The following BAG2 variants were observed in gnomAD, a reference collection of about 807,000 sequenced individuals.
BAG2 encodes BAG cochaperone 2.
Under a neutral mutation model 16.4 loss-of-function variants are expected in BAG2, and 8 were observed. The observed-to-expected ratio is 0.49, with a 90% CI of 0.29 to 0.88. The LOEUF (loss-of-function observed/expected upper bound fraction) is 0.88. Among genes scored for constraint, BAG2 ranks in the 40% least tolerant of loss-of-function variants. BAG2 has a pLI of 0.09. For missense variants in BAG2, 218 were observed against 248.9 expected, an observed-to-expected ratio of 0.88 and a Z score of 0.84; for synonymous variants, 82 against 89.2, an observed-to-expected ratio of 0.92 and a Z score of 0.46.
intron 1 of BAG2, among the ~76,000 whole-genome samples, chr6:57,180,842 T>C (rs552628019): frequency 6.6e-6 from 1 of 151,690 alleles, no homozygotes; most frequent in Admixed American, 6.6e-5. Flanking sequence ...ACGTGGTTCA[T>C]ATATGAGAGG....
chr6:57,180,765 A>G (rs1313579274), intron 1 of BAG2, among the ~76,000 whole-genome samples: 4 of 151,040 alleles, frequency 2.6e-5, no homozygotes, highest in African/African-American at 9.8e-5. Flanking sequence ...ATACGCCATA[A>G]GGCAAAAAAA....
At chr6:57,174,804 G>A (rs1003598386) in intron 1 of BAG2, among the ~76,000 whole-genome samples, 1 of 152,146 alleles carries the variant, frequency 6.6e-6, no homozygotes, top group Non-Finnish European at 1.5e-5. Context: ...AAGAAAACAT[G>A]AAACTCATAT....
intron 1 of BAG2, among the ~76,000 whole-genome samples, chr6:57,175,820 C>T (rs1417947021): frequency 2.6e-5 from 4 of 152,128 alleles, no homozygotes; most frequent in Non-Finnish European, 4.4e-5. Flanking sequence ...ATAATAAATC[C>T]GTAAATATAA....
chr6:57,173,450 G>C (rs745654888), intron 1 of BAG2: 4 of 985,360 alleles, frequency 4.1e-6, no homozygotes, highest in Non-Finnish European at 4.8e-6. Context: ...CAGCGGTTCC[G>C]TTCGTCTCTC....
intron 1 of BAG2, among the ~76,000 whole-genome samples, chr6:57,175,141 G>A (rs977295599): frequency 4.6e-5 from 7 of 151,938 alleles, no homozygotes; most frequent in Admixed American, 3.9e-4. Context: ...CCTTTTCTCC[G>A]TTTTGACGAT....
At position 57,172,744 on chromosome 6, in the gene BAG2, G is replaced by T. The variant is rs1039041175; in HGVS notation, c.47G>T (p.Cys16Phe). 6.3e-7 allele frequency: 1 copy of T among 1,582,608 alleles called. No homozygotes were observed. The highest frequency in any genetic ancestry group is 8.6e-7 in the Non-Finnish European group (1 of 1,167,336). ...INAKANEGRF[C>F]RSSSMADRSS... ...GCTAAAGCCAACGAGGGGCGCTTCT[G>T]CCGCTCCTCCTCCATGGCTGACCGC... Residue 16 changes from cysteine (C) to phenylalanine (F), a missense_variant, in exon 1 of 3, where the codon TGC becomes TTC. Transcript: ENST00000370693.
chr6:57,175,628 T>C (rs1054318239), intron 1 of BAG2, among the ~76,000 whole-genome samples: 1 of 152,232 alleles, frequency 6.6e-6, no homozygotes, highest in African/African-American at 2.4e-5. Flanking sequence ...CAATCACTTT[T>C]CTACATGGTT....
At chr6:57,177,895 G>A (rs1764328695) in intron 1 of BAG2, among the ~76,000 whole-genome samples, 1 of 152,160 alleles carries the variant, frequency 6.6e-6, no homozygotes, top group Non-Finnish European at 1.5e-5. Context: ...GGTTTGTGAG[G>A]TGCCCAAGAC....
At chr6:57,182,866 G>T (rs973007429) in intron 2 of BAG2, among the ~76,000 whole-genome samples, 1 of 152,040 alleles carries the variant, frequency 6.6e-6, no homozygotes, top group Non-Finnish European at 1.5e-5. Flanking sequence ...GGCCAAGCTG[G>T]TCTCAAACTC....
At chr6:57,182,265 G>A (rs905317476) in intron 2 of BAG2, 124 bp downstream of exon 2, 14 of 639,896 alleles carry the variant, frequency 2.2e-5, no homozygotes, top group Non-Finnish European at 3.6e-5. Flanking sequence ...TTTAATGTGA[G>A]CCACAGAGAG....
rs1562646561 is a variant in BAG2 at position 57,188,600 on chromosome 6, AAG to A, written c.*4415_*4416del. On this transcript the variant is annotated 3_prime_UTR_variant, in exon 3 of 3. Coordinates refer to ENST00000370693, the MANE Select transcript of BAG2 (RefSeq NM_004282.4). ...GAGGAGAGTAGAGAGTAGAAAATTG[AAG>A]AGAGTAGAAAAGATGACTCATTAGC... 2 of 152,144 alleles carry A rather than the reference AAG, an allele frequency of 1.3e-5. No individual in the cohort carries two copies. The highest frequency in any genetic ancestry group is 1.3e-4 in the Admixed American group (2 of 15,274). The allele number at this position is 152,144 out of a possible 1,614,324, so 9.4% of individuals were successfully genotyped here.
rs183599880 is a variant in BAG2, at chr6:57,181,937, C to T, written c.114-95C>T. The stretch of plus-strand genomic sequence containing the variant: ...AAGAATTTTTGAAAAGTTTGGTGAT[C>T]TTTAAACTTGATTTGGGTTGAATGA... On this transcript the variant is annotated intron_variant, in intron 1 of 2. Coordinates refer to ENST00000370693, the MANE Select transcript of BAG2 (RefSeq NM_004282.4). 252 of 1,089,592 alleles carry T rather than the reference C, an allele frequency of 2.3e-4. No individual in the cohort carries two copies. In the African/African-American group the frequency reaches 3.6e-3, roughly 16 times the overall value. 67.5% of individuals were successfully genotyped at this position (1,089,592 alleles called of 1,614,324 possible).
chr6:57,175,824 A>T (rs940292320), intron 1 of BAG2, among the ~76,000 whole-genome samples: 1 of 152,168 alleles, frequency 6.6e-6, no homozygotes, highest in Non-Finnish European at 1.5e-5. Flanking sequence ...TAAATCCGTA[A>T]ATATAAGTAA....
chr6:57,173,725 CTT>C (rs1051713613), intron 1 of BAG2: 2 of 179,966 alleles, frequency 1.1e-5, no homozygotes, highest in Non-Finnish European at 2.1e-5. Context: ...AAAAGAAAAT[CTT>C]GTTAGGCACC....
chr6:57,181,993 C>T (rs779859251), intron 1 of BAG2, 39 bp from the exon 2 acceptor site: 1 of 1,545,334 alleles, frequency 6.5e-7, no homozygotes, highest in African/African-American at 1.4e-5. Context: ...GAAGAACATC[C>T]TGCATACAAT....
intron 1 of BAG2, among the ~76,000 whole-genome samples, chr6:57,181,698 CAAAA>C (rs1202064547): frequency 4.0e-5 from 6 of 151,540 alleles, no homozygotes; most frequent in Non-Finnish European, 7.4e-5. Flanking sequence ...GTCTCAAAAA[CAAAA>C]AACAAACAAA....
intron 1 of BAG2, among the ~76,000 whole-genome samples, chr6:57,180,954 GAA>G (rs1764422410): frequency 6.6e-6 from 1 of 152,132 alleles, no homozygotes. Context: ...AGCAAAATAG[GAA>G]AAGTCTATGA....
At chr6:57,178,319 T>G (rs1764344607) in intron 1 of BAG2, among the ~76,000 whole-genome samples, 1 of 152,188 alleles carries the variant, frequency 6.6e-6, no homozygotes, top group South Asian at 2.1e-4. Context: ...AGTTTAAGGA[T>G]AGCAATAGCT....
intron 1 of BAG2, among the ~76,000 whole-genome samples, chr6:57,175,289 C>G (rs1027335745): frequency 1.3e-5 from 2 of 152,174 alleles, no homozygotes; most frequent in African/African-American, 4.8e-5. Context: ...ATATATACAA[C>G]GTTTTCCTGG....
Sources: gnomAD v4.1 joint callset for allele counts (sites outside exome capture counted in the v4.1 genomes callset) on GRCh38, gnomAD v4.1.1 for gene constraint, MANE v1.5 for transcripts, NCBI Gene and HGNC (gene_info 2026-07-23, HGNC 2026-07-21) for gene names.